Variants in PPP2R3A observed in about 807,000 individuals in gnomAD.
PPP2R3A encodes the protein protein phosphatase 2 regulatory subunit B''alpha.
A neutral mutation model predicts 106.9 loss-of-function variants in PPP2R3A; 80 were observed. That is an observed-to-expected ratio of 0.75 (90% CI 0.62 to 0.90). PPP2R3A has a LOEUF of 0.90. PPP2R3A is among the 40% of genes least tolerant of loss of function. The pLI is 0.00. For synonymous variants in PPP2R3A, 483 were observed against 468.3 expected, an observed-to-expected ratio of 1.03 and a Z score of -0.41; for missense variants, 1,386 against 1,350.4, an observed-to-expected ratio of 1.03 and a Z score of -0.41.
chr3:136,005,082 G>T (rs537480807), intron 2 of PPP2R3A, among the ~76,000 whole-genome samples: 1 of 152,166 alleles, frequency 6.6e-6, no homozygotes, highest in South Asian at 2.1e-4. Flanking sequence ...AACTTTTTGG[G>T]CACCAACATG....
chr3:136,083,114 A>G (rs1463868143), intron 8 of PPP2R3A, among the ~76,000 whole-genome samples: 1 of 152,172 alleles, frequency 6.6e-6, no homozygotes, highest in Non-Finnish European at 1.5e-5. Context: ...TCCTGGGCTC[A>G]AGCCATCCTA....
chr3:136,023,222 G>GTTTTGTT, intron 2 of PPP2R3A: 1 of 1,528,456 alleles, frequency 6.5e-7, no homozygotes, highest in South Asian at 1.2e-5. Context: ...TGGGTGTTTT[G>GTTTTGTT]TTTTGTTTTG....
chr3:136,101,240 G>C (rs572844317), intron 10 of PPP2R3A, among the ~76,000 whole-genome samples: 5 of 152,172 alleles, frequency 3.3e-5, no homozygotes, highest in Non-Finnish European at 7.4e-5. Context: ...TTAGTAGCAA[G>C]TACACAGAAA....
chr3:136,143,213 G>A (rs1174319062), intron 13 of PPP2R3A, among the ~76,000 whole-genome samples: 1 of 152,198 alleles, frequency 6.6e-6, no homozygotes, highest in Non-Finnish European at 1.5e-5. Flanking sequence ...CCTAGGCTGG[G>A]TGCAGTGGCT....
chr3:136,082,006 G>C (rs982347801), intron 7 of PPP2R3A, among the ~76,000 whole-genome samples: 2 of 152,062 alleles, frequency 1.3e-5, no homozygotes, highest in Non-Finnish European at 2.9e-5. Flanking sequence ...TAGTCCCCAA[G>C]GTAATGGTAC....
intron 1 of PPP2R3A, among the ~76,000 whole-genome samples, chr3:135,973,800 T>C (rs2107749061): frequency 6.6e-6 from 1 of 152,334 alleles, no homozygotes; most frequent in South Asian, 2.1e-4. Flanking sequence ...TTTATCACTA[T>C]GTGCCAGGCA....
chr3:136,003,925 G>A (rs4678434), intron 2 of PPP2R3A, among the ~76,000 whole-genome samples: 47,526 of 152,062 alleles, frequency 0.31, 7,788 homozygotes, highest in African/African-American at 0.41. Context: ...CTGCATGCCT[G>A]TGTAGACCTG....
intron 9 of PPP2R3A, among the ~76,000 whole-genome samples, chr3:136,089,432 T>C (rs1338520355): frequency 6.6e-6 from 1 of 152,052 alleles, no homozygotes; most frequent in Non-Finnish European, 1.5e-5. Context: ...TTCTGCTCCA[T>C]TGGTCTGTGT....
intron 10 of PPP2R3A, among the ~76,000 whole-genome samples, chr3:136,096,545 T>A (rs1445077620): frequency 1.3e-5 from 2 of 152,258 alleles, no homozygotes; most frequent in African/African-American, 4.8e-5. Context: ...ATTCTGCTTC[T>A]ACCTTAGTCA....
At chr3:136,105,380 A>G (rs1937490140) in intron 12 of PPP2R3A, among the ~76,000 whole-genome samples, 1 of 152,190 alleles carries the variant, frequency 6.6e-6, no homozygotes, top group Non-Finnish European at 1.5e-5. Flanking sequence ...AATCCCAGCT[A>G]CTTAGGAAGC....
rs1288110303 is a variant in PPP2R3A at position 136,001,838 on chromosome 3, G to A, written c.340G>A (p.Gly114Arg). 6.2e-7 allele frequency: 1 copy of A among 1,614,130 alleles called. No individual in the cohort carries two copies. The highest frequency in any genetic ancestry group is 8.5e-7 in the Non-Finnish European group (1 of 1,180,010). ...QNTYNLKDIA[G>R]EAISFASGKI... ...TACCTACAACTTAAAGGATATTGCA[G>A]GAGAAGCAATCAGTTTTGCCAGTGG... The change falls in exon 2 of 14, where the codon GGA becomes AGA. Residue 114 changes from glycine to arginine, a missense_variant. Transcript: ENST00000264977.
At chr3:136,138,865 C>T (rs1016795643) in intron 13 of PPP2R3A, among the ~76,000 whole-genome samples, 2 of 151,652 alleles carry the variant, frequency 1.3e-5, no homozygotes, top group Non-Finnish European at 2.9e-5. Flanking sequence ...GCATGCACCA[C>T]CACGCCCAGC....
intron 1 of PPP2R3A, among the ~76,000 whole-genome samples, chr3:135,989,735 G>A (rs966941444): frequency 4.6e-5 from 7 of 152,136 alleles, no homozygotes; most frequent in Non-Finnish European, 8.8e-5. Context: ...TGCCTTACTA[G>A]AGAGTTAAAT....
intron 13 of PPP2R3A, among the ~76,000 whole-genome samples, chr3:136,114,162 G>C (rs1267816484): frequency 1.3e-5 from 2 of 152,114 alleles, no homozygotes; most frequent in African/African-American, 4.8e-5. Flanking sequence ...AAGCAGAAGG[G>C]ATCAGGGAAT....
In PPP2R3A at chr3:136,147,099, T is replaced by A. The variant is rs1217455406; in HGVS notation, c.*1933T>A. The stretch of plus-strand genomic sequence containing the variant: ...TCTCTTAATTATTGGCTGGGCATGG[T>A]GACTCATGCCTGTAATCCCGGCACT... On this transcript the variant is annotated 3_prime_UTR_variant, in exon 14 of 14. Coordinates refer to ENST00000264977, the MANE Select transcript of PPP2R3A (RefSeq NM_002718.5). 3.9e-5 allele frequency: 6 copies of A among 152,220 alleles called. No homozygotes were observed. Among genetic ancestry groups the A allele is most frequent in the Admixed American group, 1.3e-4 (2 of 15,282 alleles). The allele number at this position is 152,220 out of a possible 1,614,324, so 9.4% of individuals were successfully genotyped here. A position where few individuals can be genotyped will look rare whatever the true frequency, so the allele number is the denominator to read the frequency against.
rs538681253 is a variant in PPP2R3A at position 136,037,249 on chromosome 3, A to G, written c.2263-3610A>G. On this transcript the variant is annotated intron_variant, in intron 3 of 13. Coordinates refer to ENST00000264977, the MANE Select transcript of PPP2R3A (RefSeq NM_002718.5). ...TTTAGCTCATTCATCTTAGACCTCA[A>G]ACAGCCCTGAAGAACTTAATGCTTA... Among the ~76,000 whole-genome samples, 4 of 152,324 alleles carry G rather than the reference A, an allele frequency of 2.6e-5. No homozygotes were observed. The South Asian group carries it at 6.2e-4, about 24-fold the overall frequency.
chr3:136,031,989 T>C (rs1022116999), intron 3 of PPP2R3A, among the ~76,000 whole-genome samples: 1 of 152,224 alleles, frequency 6.6e-6, no homozygotes, highest in African/African-American at 2.4e-5. Flanking sequence ...CCATGCGGGC[T>C]CTTTTTTGGT....
At chr3:136,061,705 G>A (rs1159410235) in intron 5 of PPP2R3A, among the ~76,000 whole-genome samples, 1 of 152,156 alleles carries the variant, frequency 6.6e-6, no homozygotes, top group East Asian at 1.9e-4. Context: ...TGGCTCACGA[G>A]GTCAGGAGAT....
chr3:136,063,646 G>A (rs1273900743), intron 5 of PPP2R3A, among the ~76,000 whole-genome samples: 1 of 152,090 alleles, frequency 6.6e-6, no homozygotes, highest in African/African-American at 2.4e-5. Context: ...CATTTATGCA[G>A]CCAAAAGACA....
Sources: allele counts gnomAD v4.1 joint callset (sites outside exome capture counted in the v4.1 genomes callset), GRCh38; gene constraint gnomAD v4.1.1; transcripts MANE v1.5; gene names NCBI Gene and HGNC (gene_info 2026-07-23, HGNC 2026-07-21).